Variants in CIAO2A observed in about 807,000 individuals in gnomAD.
CIAO2A encodes the protein MIP18 family protein FAM96A.
Under a neutral mutation model 22.4 loss-of-function variants are expected in CIAO2A, and 17 were observed. The observed-to-expected ratio is 0.76, with a 90% CI of 0.52 to 1.14. The LOEUF (loss-of-function observed/expected upper bound fraction) is 1.14, where lower values mean the gene tolerates loss of function less well. CIAO2A is among the 50% of genes most tolerant of loss of function. The pLI is 0.00. For missense variants in CIAO2A, 192 were observed against 191.4 expected, an observed-to-expected ratio of 1.00 and a Z score of -0.02; for synonymous variants, 74 against 72.3, an observed-to-expected ratio of 1.02 and a Z score of -0.12.
intron 4 of CIAO2A, chr15:64,074,201 G>T (rs1443651891): frequency 6.6e-6 from 1 of 152,210 alleles, no homozygotes; most frequent in African/African-American, 2.4e-5. Context: ...TCAAAAGAGA[G>T]ACGACTATAT....
intron 1 of CIAO2A, among the ~76,000 whole-genome samples, chr15:64,092,818 G>A (rs935054361): frequency 6.6e-6 from 1 of 152,076 alleles, no homozygotes; most frequent in Non-Finnish European, 1.5e-5. Context: ...ATTATATCCA[G>A]TCTTTTCGGT....
intron 1 of CIAO2A, among the ~76,000 whole-genome samples, chr15:64,091,889 T>A (rs1363038620): frequency 6.6e-6 from 1 of 151,648 alleles, no homozygotes; most frequent in Non-Finnish European, 1.5e-5. Flanking sequence ...CAAAACCTCA[T>A]CTCTACAAAA....
chr15:64,078,746 A>C (rs2080739131), intron 3 of CIAO2A, among the ~76,000 whole-genome samples: 1 of 152,180 alleles, frequency 6.6e-6, no homozygotes, highest in South Asian at 2.1e-4. Flanking sequence ...TCAGAAGACA[A>C]AGAAAGAGCC....
chr15:64,082,826 G>C (rs950777144), intron 2 of CIAO2A, among the ~76,000 whole-genome samples: 1 of 152,172 alleles, frequency 6.6e-6, no homozygotes, highest in Admixed American at 6.5e-5. Flanking sequence ...GGTTTCAAAA[G>C]TAGCTTCACT....
At chr15:64,077,862 G>T (rs2140106438) in intron 3 of CIAO2A, among the ~76,000 whole-genome samples, 1 of 152,332 alleles carries the variant, frequency 6.6e-6, no homozygotes, top group Admixed American at 6.5e-5. Context: ...TGACAGTACT[G>T]TATCAATGTC....
chr15:64,087,178 G>A (rs558701850), intron 2 of CIAO2A, among the ~76,000 whole-genome samples: 43 of 133,346 alleles, frequency 3.2e-4, no homozygotes, highest in Non-Finnish European at 6.3e-4. Context: ...TGCAAACTCC[G>A]CTTCCCGGGT....
chr15:64,088,600 A>C (rs2080815302), intron 2 of CIAO2A, 87 bp downstream of exon 2: 11 of 1,115,288 alleles, frequency 9.9e-6, no homozygotes, highest in Non-Finnish European at 1.4e-5. Flanking sequence ...GTTTTTCAAC[A>C]ATGATGCAAA....
intron 2 of CIAO2A, among the ~76,000 whole-genome samples, chr15:64,087,100 T>C (rs1321271126): frequency 6.9e-6 from 1 of 145,364 alleles, no homozygotes; most frequent in African/African-American, 2.5e-5. Context: ...TTTTTTTTTT[T>C]TTTTTTGGGA....
intron 3 of CIAO2A, among the ~76,000 whole-genome samples, chr15:64,079,449 C>T (rs2140107836): frequency 6.6e-6 from 1 of 152,298 alleles, no homozygotes. Context: ...GAGGCTGAGC[C>T]TCGGAGATAG....
chr15:64,080,120 C>T (rs569850960), intron 3 of CIAO2A, among the ~76,000 whole-genome samples: 24 of 152,210 alleles, frequency 1.6e-4, no homozygotes, highest in Non-Finnish European at 3.1e-4. Context: ...GGTGCAGTGG[C>T]TCATGCCTAT....
chr15:64,073,942 T>C (rs770152525), intron 4 of CIAO2A: 3 of 152,166 alleles, frequency 2.0e-5, no homozygotes, highest in Non-Finnish European at 4.4e-5. Flanking sequence ...TACACATATA[T>C]ACATACATAA....
At chr15:64,089,499 G>C (rs973259059) in intron 1 of CIAO2A, among the ~76,000 whole-genome samples, 1 of 146,116 alleles carries the variant, frequency 6.8e-6, no homozygotes, top group Admixed American at 6.9e-5. Flanking sequence ...GCAACAAAGC[G>C]AGACCCTGTC....
intron 1 of CIAO2A, among the ~76,000 whole-genome samples, chr15:64,092,259 C>T (rs567145123): frequency 6.6e-6 from 1 of 152,180 alleles, no homozygotes; most frequent in African/African-American, 2.4e-5. Flanking sequence ...TATCCTATAG[C>T]CCCATCTATC....
intron 1 of CIAO2A, among the ~76,000 whole-genome samples, chr15:64,089,199 T>C (rs2080820544): frequency 6.6e-6 from 1 of 151,954 alleles, no homozygotes; most frequent in South Asian, 2.1e-4. Context: ...CCTTGAAAAA[T>C]AGGTAACATT....
chr15:64,088,944 CT>C, intron 1 of CIAO2A, 93 bp from the exon 2 acceptor site: 1 of 1,249,882 alleles, frequency 8.0e-7, no homozygotes, highest in Non-Finnish European at 1.1e-6. Flanking sequence ...ACTGACTTCT[CT>C]TACGTTTAAG....
chr15:64,084,863 A>T (rs529417482), intron 2 of CIAO2A, among the ~76,000 whole-genome samples: 1 of 152,056 alleles, frequency 6.6e-6, no homozygotes, highest in Admixed American at 6.5e-5. Context: ...TAGGCCAAAG[A>T]GGGCAGATCA....
At chr15:64,082,715 G>A (rs1057282137) in intron 2 of CIAO2A, among the ~76,000 whole-genome samples, 1 of 152,036 alleles carries the variant, frequency 6.6e-6, no homozygotes, top group African/African-American at 2.4e-5. Context: ...ATATCCTCAC[G>A]TATTTTAGTC....
intron 4 of CIAO2A, chr15:64,075,242 A>G (rs534435950): frequency 3.0e-6 from 1 of 331,106 alleles, no homozygotes; most frequent in African/African-American, 2.2e-5. Context: ...AGCACTGGAT[A>G]TTCTTTACAG....
rs937616095 is a variant in CIAO2A at position 64,072,761 on chromosome 15, T to C, written c.*170A>G. ...TTACAAATCCTGAGAATGTTATACA[T>C]TGAACAAATTAGGTACTACCTTATA... On this transcript the variant is annotated 3_prime_UTR_variant, in exon 5 of 5. Transcript: ENST00000300030. 1.7e-5 allele frequency: 8 copies of C among 477,130 alleles called. No homozygotes were observed. Among genetic ancestry groups the C allele is most frequent in the African/African-American group, 3.9e-5 (2 of 50,846 alleles). The allele number at this position is 477,130 out of a possible 1,614,324, so 29.6% of individuals were successfully genotyped here. A position where few individuals can be genotyped will look rare whatever the true frequency, so the allele number is the denominator to read the frequency against.
Sources: allele counts gnomAD v4.1 joint callset (sites outside exome capture counted in the v4.1 genomes callset), GRCh38; gene constraint gnomAD v4.1.1; transcripts MANE v1.5; gene names NCBI Gene and HGNC (gene_info 2026-07-23, HGNC 2026-07-21).